The following USH2A variants were observed in gnomAD, a reference collection of about 807,000 sequenced individuals.
USH2A encodes usherin.
Under a neutral mutation model 538.9 loss-of-function variants are expected in USH2A, and 443 were observed. The ratio of observed to expected loss-of-function variants is 0.82; its 90% CI spans 0.76 to 0.89. USH2A has a LOEUF of 0.89. Among genes scored for constraint, USH2A ranks in the 40% least tolerant of loss-of-function variants. The probability of loss-of-function intolerance (pLI) is 0.00; values close to 1 mark genes in which losing one functional copy is unlikely to be tolerated. For synonymous variants in USH2A, 2,413 were observed against 2,273.5 expected, an observed-to-expected ratio of 1.06 and a Z score of -1.75; for missense variants, 6,633 against 6,324.8, an observed-to-expected ratio of 1.05 and a Z score of -1.65.
At chr1:216,332,679 T>C (rs986857763) in intron 4 of USH2A, among the ~76,000 whole-genome samples, 12 of 152,138 alleles carry the variant, frequency 7.9e-5, no homozygotes, top group African/African-American at 2.9e-4. Flanking sequence ...GTATTGGTTC[T>C]AGGCATTTAA....
intron 40 of USH2A, among the ~76,000 whole-genome samples, chr1:215,892,392 G>C (rs566726745): frequency 6.6e-6 from 1 of 152,106 alleles, no homozygotes; most frequent in Admixed American, 6.5e-5. Context: ...CTCCATAAAT[G>C]AGTATCCCCT....
intron 64 of USH2A, among the ~76,000 whole-genome samples, chr1:215,660,706 G>T (rs1214256317): frequency 6.6e-6 from 1 of 152,156 alleles, no homozygotes; most frequent in Non-Finnish European, 1.5e-5. Context: ...AAAAATTAGA[G>T]CAATTCAATG....
At chr1:215,802,321 A>C (rs1662360438) in intron 49 of USH2A, among the ~76,000 whole-genome samples, 1 of 152,102 alleles carries the variant, frequency 6.6e-6, no homozygotes, top group Admixed American at 6.6e-5. Flanking sequence ...ACTGTCAACA[A>C]AGTGAAAAGG....
chr1:215,803,819 C>T (rs1355722086), intron 49 of USH2A, among the ~76,000 whole-genome samples: 1 of 152,018 alleles, frequency 6.6e-6, no homozygotes, highest in East Asian at 1.9e-4. Context: ...AGAGCCCACA[C>T]TGCCAAGTCA....
intron 38 of USH2A, among the ~76,000 whole-genome samples, chr1:215,916,423 C>T (rs968725017): frequency 6.6e-6 from 1 of 152,062 alleles, no homozygotes; most frequent in African/African-American, 2.4e-5. Flanking sequence ...TTAGCAAATA[C>T]AACCTGAAGG....
intron 21 of USH2A, among the ~76,000 whole-genome samples, chr1:216,130,721 G>A (rs1455959987): frequency 1.3e-5 from 2 of 150,262 alleles, no homozygotes; most frequent in South Asian, 2.1e-4. Context: ...TGATTGAAGG[G>A]CATTTGGGTT....
intron 69 of USH2A, among the ~76,000 whole-genome samples, chr1:215,637,670 T>A (rs918307596): frequency 8.5e-5 from 13 of 152,206 alleles, no homozygotes; most frequent in Non-Finnish European, 1.6e-4. Flanking sequence ...TCCAGACATG[T>A]AAAGTTTGGA....
intron 3 of USH2A, among the ~76,000 whole-genome samples, chr1:216,374,370 G>T (rs2038777532): frequency 6.6e-6 from 1 of 151,264 alleles, no homozygotes; most frequent in Non-Finnish European, 1.5e-5. Context: ...TTATTTTGTA[G>T]ATTGCCTCTC....
chr1:215,854,285 A>G (rs955173405), intron 44 of USH2A, among the ~76,000 whole-genome samples: 1 of 152,120 alleles, frequency 6.6e-6, no homozygotes, highest in Non-Finnish European at 1.5e-5. Flanking sequence ...ATAGCATAGG[A>G]AAGACCCACC....
At chr1:216,294,375 T>C (rs937836021) in intron 9 of USH2A, among the ~76,000 whole-genome samples, 2 of 152,050 alleles carry the variant, frequency 1.3e-5, no homozygotes, top group African/African-American at 4.8e-5. Flanking sequence ...CTTTTCAAAA[T>C]TATGAATATA....
At position 216,086,708 on chromosome 1, in the gene USH2A, A is replaced by G. The variant is rs751969578; in HGVS notation, c.4987+11T>C. The G allele has an allele frequency of 1.9e-6, 3 of 1,598,532 alleles. No individual in the cohort carries two copies. The African/African-American group carries it at 4.0e-5, about 21-fold the overall frequency. Reference sequence around the variant, plus strand: ...TGGATGACAACATATAATATACCTTACTAAACTCACCAGGATCCTTCCTGA... The same window carrying G: ...TGGATGACAACATATAATATACCTTGCTAAACTCACCAGGATCCTTCCTGA... On this transcript the variant is annotated intron_variant, in intron 24 of 71. Coordinates refer to ENST00000307340, the MANE Select transcript of USH2A (RefSeq NM_206933.4).
Position 215,650,596 on chromosome 1 carries a change from G to C in USH2A, c.14339C>G (p.Thr4780Arg), listed in dbSNP as rs1427729273. 1.2e-6 allele frequency: 2 copies of C among 1,614,154 alleles called. No homozygotes were observed. Among genetic ancestry groups the C allele is most frequent in the Non-Finnish European group, 1.7e-6 (2 of 1,180,030 alleles). The stretch of plus-strand genomic sequence containing the variant: ...ATTTTTAGCTCTGCTGCTCACCACT[G>C]TCTCAGCCCCATGGGCGCTGCTGGA... The part of the protein sequence containing the change: ...LFSSSAHGAE[T>R]VLSEGMATQQ... The change falls in exon 65 of 72, where the codon ACA becomes AGA. Residue 4780 changes from threonine to arginine, a missense_variant. Thr to Arg is a moderately conservative substitution (Grantham distance 71). Transcript: ENST00000307340.
intron 47 of USH2A, among the ~76,000 whole-genome samples, chr1:215,827,638 T>C (rs1466131550): frequency 6.6e-6 from 1 of 152,200 alleles, no homozygotes; most frequent in Admixed American, 6.6e-5. Flanking sequence ...GGCTATTGAT[T>C]GGATCTGTAC....
intron 40 of USH2A, among the ~76,000 whole-genome samples, chr1:215,892,143 G>T (rs544940065): frequency 6.6e-6 from 1 of 152,028 alleles, no homozygotes; most frequent in Non-Finnish European, 1.5e-5. Flanking sequence ...GGGTGTGTGC[G>T]CACACACTTG....
chr1:215,920,325 A>G (rs1666065444), intron 38 of USH2A, among the ~76,000 whole-genome samples: 1 of 152,074 alleles, frequency 6.6e-6, no homozygotes, highest in African/African-American at 2.4e-5. Flanking sequence ...CCTCACTTAT[A>G]ATTTAATATG....
In USH2A at chr1:215,845,905, C is replaced by T; in HGVS notation, c.8974G>A (p.Glu2992Lys). The T allele has an allele frequency of 1.2e-6, 2 of 1,613,904 alleles. No individual in the cohort carries two copies. Among genetic ancestry groups the T allele is most frequent in the Non-Finnish European group, 1.7e-6 (2 of 1,179,934 alleles). The change falls in exon 45 of 72, where the codon GAG (glutamate) becomes AAG (lysine). Residue 2992 changes from glutamate to lysine, a missense_variant. Transcript: ENST00000307340. ...AAGACAGAGATAAAGATCCAATACT[C>T]TGTGTTTGGCTTTAGGTGGCCAATG... ...HVIGHLKPNTEYWIFISVFNG... is the reference protein window; with the variant it reads ...HVIGHLKPNTKYWIFISVFNG...
chr1:215,875,865 ATT>A (rs1281107987), intron 43 of USH2A, among the ~76,000 whole-genome samples: 2 of 146,728 alleles, frequency 1.4e-5, no homozygotes. Context: ...TAATATATAT[ATT>A]AATTATATAT....
At chr1:216,415,082 G>C (rs1009015016) in intron 3 of USH2A, among the ~76,000 whole-genome samples, 5 of 151,970 alleles carry the variant, frequency 3.3e-5, no homozygotes. Flanking sequence ...AAGCAGCATG[G>C]GAGAAGAGAA....
chr1:215,805,984 C>CAAAAAAAAAAAA (rs57712355), intron 49 of USH2A, among the ~76,000 whole-genome samples: 2 of 93,480 alleles, frequency 2.1e-5, no homozygotes, highest in African/African-American at 3.4e-5. Context: ...AAGACACAAT[C>CAAAAAAAAAAAA]AAAAAAAAAA....
Sources: gnomAD v4.1 joint callset for allele counts (sites outside exome capture counted in the v4.1 genomes callset) on GRCh38, gnomAD v4.1.1 for gene constraint, MANE v1.5 for transcripts, NCBI Gene and HGNC (gene_info 2026-07-23, HGNC 2026-07-21) for gene names.